Variants in FHIT observed in about 807,000 individuals in gnomAD.
FHIT encodes bis(5'-adenosyl)-triphosphatase.
FHIT carries 19 observed loss-of-function variants against 17.9 expected under a neutral mutation model. That is an observed-to-expected ratio of 1.06 (90% confidence interval 0.74 to 1.56). The LOEUF is 1.56. Ranked by LOEUF, FHIT falls within the 40% of genes most tolerant of loss-of-function variation. The pLI is 0.00. For synonymous variants in FHIT, 81 were observed against 69.7 expected, an observed-to-expected ratio of 1.16 and a Z score of -0.81; for missense variants, 248 against 189.2, an observed-to-expected ratio of 1.31 and a Z score of -1.82.
chr3:60,155,390 C>T (rs559805567), intron 5 of FHIT, among the ~76,000 whole-genome samples: 1 of 152,272 alleles, frequency 6.6e-6, no homozygotes, highest in East Asian at 1.9e-4. Flanking sequence ...ATTCCCACCC[C>T]TCATTTTCTC....
chr3:59,948,701 T>C (rs1341256524), intron 7 of FHIT, among the ~76,000 whole-genome samples: 3 of 152,132 alleles, frequency 2.0e-5, no homozygotes, highest in Admixed American at 2.0e-4. Context: ...TGGCCTTAAT[T>C]TGCATTTCCC....
intron 5 of FHIT, among the ~76,000 whole-genome samples, chr3:60,397,486 C>G (rs1482642843): frequency 6.6e-6 from 1 of 152,158 alleles, no homozygotes; most frequent in African/African-American, 2.4e-5. Flanking sequence ...AGGAAGGAGT[C>G]TATGCTAACA....
intron 5 of FHIT, among the ~76,000 whole-genome samples, chr3:60,099,012 A>T (rs1704082142): frequency 1.3e-5 from 2 of 152,134 alleles, no homozygotes; most frequent in African/African-American, 4.8e-5. Flanking sequence ...GATATAGTAG[A>T]GTGCTTAGAT....
intron 8 of FHIT, among the ~76,000 whole-genome samples, chr3:59,757,700 T>A (rs1458513827): frequency 6.6e-6 from 1 of 152,234 alleles, no homozygotes; most frequent in Non-Finnish European, 1.5e-5. Context: ...TAAACTTGGA[T>A]GTTTTTATAA....
intron 3 of FHIT, among the ~76,000 whole-genome samples, chr3:60,912,485 C>A (rs568912201): frequency 5.3e-4 from 81 of 152,206 alleles, no homozygotes; most frequent in African/African-American, 1.9e-3. Flanking sequence ...GAATATGCCA[C>A]CCCAAAATAT....
intron 5 of FHIT, among the ~76,000 whole-genome samples, chr3:60,226,876 A>C (rs1349621819): frequency 2.0e-5 from 3 of 151,516 alleles, no homozygotes; most frequent in Admixed American, 6.6e-5. Flanking sequence ...AATGTGAGCC[A>C]TTATCTTCTC....
At chr3:60,211,615 G>T (rs1703456659) in intron 5 of FHIT, among the ~76,000 whole-genome samples, 1 of 152,112 alleles carries the variant, frequency 6.6e-6, no homozygotes, top group Admixed American at 6.5e-5. Context: ...ACTGCTCATG[G>T]TAATTAAATT....
intron 5 of FHIT, among the ~76,000 whole-genome samples, chr3:60,374,133 G>A (rs1207984162): frequency 6.6e-6 from 1 of 152,032 alleles, no homozygotes; most frequent in African/African-American, 2.4e-5. Context: ...CTTGTCAGAT[G>A]CTTAAAACAG....
intron 7 of FHIT, among the ~76,000 whole-genome samples, chr3:59,923,790 T>C (rs1705527060): frequency 1.3e-5 from 2 of 152,102 alleles, no homozygotes; most frequent in South Asian, 4.2e-4. Flanking sequence ...AAGATTTAAG[T>C]GTCCCTGTGG....
intron 7 of FHIT, among the ~76,000 whole-genome samples, chr3:60,002,470 T>A (rs759727035): frequency 1.3e-5 from 2 of 152,186 alleles, no homozygotes; most frequent in Non-Finnish European, 2.9e-5. Context: ...CCTCATGACA[T>A]GGGAAGTTAA....
intron 3 of FHIT, among the ~76,000 whole-genome samples, chr3:60,839,221 T>G (rs1702636540): frequency 6.6e-6 from 1 of 152,190 alleles, no homozygotes; most frequent in African/African-American, 2.4e-5. Context: ...ACACTCTTTT[T>G]AAAGTAGCTT....
chr3:61,032,516 A>G (rs1403729694), intron 3 of FHIT, among the ~76,000 whole-genome samples: 1 of 152,186 alleles, frequency 6.6e-6, no homozygotes, highest in East Asian at 1.9e-4. Context: ...GAACTGAAGC[A>G]TTCTTCATCC....
rs980415309 is a variant in FHIT, at chr3:60,202,801, G to C, written c.104-188649C>G. 4.6e-5 allele frequency among the ~76,000 whole-genome samples: 7 copies of C among 152,188 alleles called. 1 individual carries two copies. Among genetic ancestry groups the C allele is most frequent in the African/African-American group, 1.7e-4 (7 of 41,528 alleles). On this transcript the variant is annotated intron_variant, in intron 5 of 9. Transcript: ENST00000492590. Reference sequence around the variant, plus strand: ...TTTATGTATGCTCTGTCTTCGTGCAGGTCTAAGTGGAGCCATGACAACCTG... The same window carrying C: ...TTTATGTATGCTCTGTCTTCGTGCACGTCTAAGTGGAGCCATGACAACCTG...
chr3:60,220,619 T>C (rs1703916583), intron 5 of FHIT, among the ~76,000 whole-genome samples: 3 of 152,190 alleles, frequency 2.0e-5, no homozygotes, highest in Non-Finnish European at 4.4e-5. Flanking sequence ...TTAAATAACA[T>C]TTCCTACCAC....
chr3:60,435,646 A>C (rs924399329), intron 5 of FHIT, among the ~76,000 whole-genome samples: 12 of 152,102 alleles, frequency 7.9e-5, no homozygotes, highest in Non-Finnish European at 1.5e-4. Context: ...ACTTAAATCT[A>C]AGACTTTAAT....
At chr3:60,357,959 C>T (rs562082115) in intron 5 of FHIT, among the ~76,000 whole-genome samples, 12 of 152,318 alleles carry the variant, frequency 7.9e-5, no homozygotes, top group South Asian at 6.2e-4. Context: ...TGTACAGCAG[C>T]ATCAGCATCA....
intron 5 of FHIT, among the ~76,000 whole-genome samples, chr3:60,294,669 C>A (rs544602781): frequency 1.3e-5 from 2 of 152,132 alleles, no homozygotes; most frequent in African/African-American, 2.4e-5. Context: ...CCCTTTCTGG[C>A]CACATTAATT....
chr3:60,169,156 G>T (rs955906272), intron 5 of FHIT, among the ~76,000 whole-genome samples: 1 of 152,168 alleles, frequency 6.6e-6, no homozygotes, highest in South Asian at 2.1e-4. Context: ...CCAAAATAAT[G>T]AAAGAACGTG....
chr3:61,057,140 C>G (rs2106679613), intron 2 of FHIT, among the ~76,000 whole-genome samples: 1 of 152,322 alleles, frequency 6.6e-6, no homozygotes, highest in East Asian at 1.9e-4. Context: ...AGAGATGATT[C>G]TGTTTAAACA....
Sources: allele counts gnomAD v4.1 joint callset (sites outside exome capture counted in the v4.1 genomes callset), GRCh38; gene constraint gnomAD v4.1.1; transcripts MANE v1.5; gene names NCBI Gene and HGNC (gene_info 2026-07-23, HGNC 2026-07-21).